The following SUN1 variants were observed in gnomAD, a reference collection of about 807,000 sequenced individuals.
SUN1 encodes Sad1 and UNC84 domain containing 1.
SUN1 carries 61 observed loss-of-function variants against 103.2 expected under a neutral mutation model. The observed-to-expected ratio is 0.59, with a 90% confidence interval of 0.48 to 0.73. The LOEUF (loss-of-function observed/expected upper bound fraction) is 0.73, where lower values mean the gene tolerates loss of function less well. Ranked by LOEUF, SUN1 falls within the 30% of genes least tolerant of loss-of-function variation. The pLI is 0.00. For missense variants in SUN1, 1,052 were observed against 1,034.6 expected, an observed-to-expected ratio of 1.02 and a Z score of -0.23; for synonymous variants, 490 against 425.7, an observed-to-expected ratio of 1.15 and a Z score of -1.86.
intron 6 of SUN1, 42 bp downstream of exon 6, chr7:851,524 T>G: frequency 1.3e-6 from 2 of 1,519,896 alleles, no homozygotes; most frequent in Non-Finnish European, 1.8e-6. Flanking sequence ...CTCCAGAGCT[T>G]CTGGCAGCTA....
intron 1 of SUN1, chr7:817,276 G>C: frequency 1.4e-6 from 1 of 738,080 alleles, no homozygotes. Context: ...CGTATTTTTT[G>C]TAGGGTTGTG....
chr7:830,923 A>T (rs2128217833), upstream of SUN1: 1 of 985,066 alleles, frequency 1.0e-6, no homozygotes, highest in South Asian at 4.7e-5. Context: ...GTTCTGCAGA[A>T]GCTGCCAGAG....
chr7:817,204 C>CCCGCCT (rs1781462305), intron 1 of SUN1: 1 of 569,318 alleles, frequency 1.8e-6, no homozygotes, highest in African/African-American at 1.9e-5. Context: ...GAGCTATCCT[C>CCCGCCT]CCGCCTCCGC....
intron 5 of SUN1, chr7:849,786 A>G (rs776693297): frequency 3.5e-6 from 4 of 1,128,612 alleles, no homozygotes; most frequent in African/African-American, 1.5e-5. Flanking sequence ...ACCAGATCGC[A>G]TTTGCTTTGA....
At chr7:872,448 T>C (rs1193047909) in intron 17 of SUN1, 22 bp from the exon 18 acceptor site, 27 of 1,575,400 alleles carry the variant, frequency 1.7e-5, no homozygotes, top group Non-Finnish European at 2.1e-5. Context: ...TCGTTCATAA[T>C]TGTGTATGGT....
rs1489474359 is a variant in SUN1 at position 817,360 on chromosome 7, G to A, written c.-74+687G>A. The A allele has an allele frequency of 5.3e-6, 8 of 1,497,008 alleles. No homozygotes were observed. In the African/African-American group the frequency reaches 9.7e-5, roughly 18 times the overall value. The allele number at this position is 1,497,008 out of a possible 1,614,324, so 92.7% of individuals were successfully genotyped here. On this transcript the variant is annotated intron_variant, in intron 1 of 17. Transcript: ENST00000389574. ...CGCCCCAGCCTGCCTGGAGGCGCGCGCGTGGTCTCCGCGCCCTGTTGCGCC... is the reference window on the plus strand; with the variant it reads ...CGCCCCAGCCTGCCTGGAGGCGCGCACGTGGTCTCCGCGCCCTGTTGCGCC...
At chr7:862,692 TG>T (rs1833117661) in intron 15 of SUN1, among the ~76,000 whole-genome samples, 1 of 152,254 alleles carries the variant, frequency 6.6e-6, no homozygotes. Context: ...TACAGGTTTG[TG>T]TGTACCTCAG....
chr7:840,742 C>G (rs935807231), intron 2 of SUN1, among the ~76,000 whole-genome samples: 1 of 150,096 alleles, frequency 6.7e-6, no homozygotes, highest in African/African-American at 2.5e-5. Context: ...CCTGGGTTCA[C>G]GCCATTCTCC....
chr7:866,915 A>G (rs1013355318), intron 16 of SUN1, among the ~76,000 whole-genome samples: 2 of 151,898 alleles, frequency 1.3e-5, no homozygotes, highest in Non-Finnish European at 2.9e-5. Flanking sequence ...GCACTAAAGG[A>G]TGGAGAATTT....
upstream of SUN1, among the ~76,000 whole-genome samples, chr7:829,860 G>A (rs1029069997): frequency 1.3e-5 from 2 of 152,050 alleles, no homozygotes; most frequent in Admixed American, 1.3e-4. Context: ...GGCCATAACT[G>A]TTCTTTTTTA....
chr7:849,685 A>G, intron 5 of SUN1: 3 of 1,427,894 alleles, frequency 2.1e-6, no homozygotes, highest in Non-Finnish European at 2.9e-6. Context: ...AGCAGTAGAG[A>G]ATGAACGGCC....
At chr7:819,155 G>C (rs544261895) in intron 1 of SUN1, among the ~76,000 whole-genome samples, 1 of 150,942 alleles carries the variant, frequency 6.6e-6, no homozygotes, top group Non-Finnish European at 1.5e-5. Flanking sequence ...GAGCCACCGT[G>C]CCTGGCCTCT....
intron 3 of SUN1, 106 bp from the exon 4 acceptor site, chr7:843,100 A>T (rs939896679): frequency 6.6e-7 from 1 of 1,512,574 alleles, no homozygotes; most frequent in South Asian, 1.2e-5. Context: ...CATAATGCTG[A>T]TTTATTAACC....
intron 1 of SUN1, chr7:833,182 G>C (rs1799545655): frequency 6.6e-6 from 1 of 152,422 alleles, no homozygotes; most frequent in African/African-American, 2.4e-5. Context: ...TTACGGGTCA[G>C]CAGCAAGGGA....
chr7:860,410 T>A (rs755527884), intron 14 of SUN1, 28 bp downstream of exon 14: 1 of 1,607,870 alleles, frequency 6.2e-7, no homozygotes, highest in Non-Finnish European at 8.5e-7. Context: ...CGGCAAGAGA[T>A]GCTTACAGTC....
intron 1 of SUN1, chr7:817,523 C>T (rs1781915072): frequency 2.6e-6 from 4 of 1,535,332 alleles, no homozygotes; most frequent in African/African-American, 1.4e-5. Context: ...TCCGAGGTCT[C>T]TGCTCTCGCT....
At chr7:872,240 G>A (rs887447564) in intron 17 of SUN1, among the ~76,000 whole-genome samples, 2 of 152,078 alleles carry the variant, frequency 1.3e-5, no homozygotes, top group East Asian at 3.9e-4. Flanking sequence ...TGTGTATAAC[G>A]GGGAATCGTG....
At chr7:852,168 T>A in intron 7 of SUN1, 125 bp downstream of exon 7, 1 of 876,248 alleles carries the variant, frequency 1.1e-6, no homozygotes, top group South Asian at 1.7e-5. Flanking sequence ...TTTGTATATT[T>A]TACAAAAGTG....
Position 847,956 on chromosome 7 carries a change from G to A in SUN1, c.659-3428G>A, listed in dbSNP as rs961284241. ...TCCGGGATCCCCTGGGGGTTACCCC[G>A]CAGCGCCCTCTCTGGGATCTCCTGG... On this transcript the variant is annotated intron_variant, in intron 5 of 18. Coordinates refer to ENST00000401592, the MANE Select transcript of SUN1 (RefSeq NM_001130965.3). Among the ~76,000 whole-genome samples the A allele has an allele frequency of 8.7e-5, 13 of 149,344 alleles. No homozygotes were observed. The South Asian group carries it at 1.7e-3, about 20-fold the overall frequency.
Sources: gnomAD v4.1 joint callset for allele counts (sites outside exome capture counted in the v4.1 genomes callset) on GRCh38, gnomAD v4.1.1 for gene constraint, MANE v1.5 for transcripts, NCBI Gene and HGNC (gene_info 2026-07-23, HGNC 2026-07-21) for gene names.